Variants in NIPBL observed in about 807,000 individuals in gnomAD.
NIPBL encodes NIPBL cohesin loading factor.
A neutral mutation model predicts 321.8 loss-of-function variants in NIPBL; 19 were observed. The observed-to-expected ratio is 0.06, with a 90% CI of 0.04 to 0.09. The LOEUF is 0.09. Among genes scored for constraint, NIPBL ranks in the 10% least tolerant of loss-of-function variants. The pLI is 1.00. For missense variants in NIPBL, 2,210 were observed against 3,327.0 expected, an observed-to-expected ratio of 0.66 and a Z score of 8.26; for synonymous variants, 1,106 against 1,114.1, an observed-to-expected ratio of 0.99 and a Z score of 0.14.
intron 1 of NIPBL, among the ~76,000 whole-genome samples, chr5:36,925,985 G>A (rs1017585896): frequency 8.6e-5 from 13 of 151,814 alleles, no homozygotes; most frequent in African/African-American, 1.9e-4. Flanking sequence ...TCTCATTTTC[G>A]TACCCATTCT....
intron 1 of NIPBL, among the ~76,000 whole-genome samples, chr5:36,902,302 C>G (rs1747294668): frequency 6.6e-6 from 1 of 152,056 alleles, no homozygotes; most frequent in Admixed American, 6.6e-5. Flanking sequence ...GTTGCAGTTG[C>G]TTTTGAAGTC....
At chr5:37,020,724 C>T in intron 26 of NIPBL, 51 bp downstream of exon 26, 1 of 1,600,114 alleles carries the variant, frequency 6.2e-7, no homozygotes, top group Non-Finnish European at 8.6e-7. Flanking sequence ...ATATCTATTT[C>T]CCTAAGTTAC....
At chr5:36,968,859 A>G (rs1483757708) in intron 6 of NIPBL, among the ~76,000 whole-genome samples, 1 of 152,190 alleles carries the variant, frequency 6.6e-6, no homozygotes, top group East Asian at 1.9e-4. Flanking sequence ...AACTATGTAT[A>G]ATTATTGGTA....
intron 1 of NIPBL, among the ~76,000 whole-genome samples, chr5:36,881,912 A>G (rs1211955123): frequency 1.3e-5 from 2 of 152,022 alleles, no homozygotes; most frequent in Non-Finnish European, 2.9e-5. Flanking sequence ...TTGTCAAAGC[A>G]TCTGTTGTTA....
At chr5:37,036,828 T>TA (rs1467687381) in intron 33 of NIPBL, among the ~76,000 whole-genome samples, 1 of 151,974 alleles carries the variant, frequency 6.6e-6, no homozygotes, top group Non-Finnish European at 1.5e-5. Flanking sequence ...ACAAAACTGA[T>TA]ATCTCCTAAG....
chr5:37,037,584 G>A (rs2149719853), intron 33 of NIPBL, among the ~76,000 whole-genome samples: 1 of 150,148 alleles, frequency 6.7e-6, no homozygotes, highest in South Asian at 2.1e-4. Context: ...GTCCATTTAT[G>A]GCACCTACGG....
At chr5:37,047,507 ACT>A (rs1416736144) in intron 38 of NIPBL, among the ~76,000 whole-genome samples, 10 of 152,342 alleles carry the variant, frequency 6.6e-5, no homozygotes, top group African/African-American at 1.9e-4. Flanking sequence ...GACATCATTT[ACT>A]AAGGAGTTAA....
At chr5:37,003,696 CAT>C (rs10550272) in intron 16 of NIPBL, among the ~76,000 whole-genome samples, 31,803 of 152,008 alleles carry the variant, frequency 0.21, 4,416 homozygotes, top group African/African-American at 0.39. Flanking sequence ...AAATGACTCT[CAT>C]GTGGGGGAAA....
At chr5:36,916,721 A>C (rs1014380264) in intron 1 of NIPBL, among the ~76,000 whole-genome samples, 2 of 151,914 alleles carry the variant, frequency 1.3e-5, no homozygotes, top group Non-Finnish European at 2.9e-5. Flanking sequence ...CCATTGTTCA[A>C]TTCCCACTTA....
intron 41 of NIPBL, among the ~76,000 whole-genome samples, chr5:37,052,134 T>C (rs1753624458): frequency 6.6e-6 from 1 of 152,126 alleles, no homozygotes; most frequent in African/African-American, 2.4e-5. Flanking sequence ...TATCTTACTA[T>C]GTGAACTTGG....
chr5:37,020,499 C>A lies in NIPBL; in HGVS notation c.5051C>A (p.Thr1684Lys), dbSNP rs774109272. Residue 1684 changes from threonine (T) to lysine (K), a missense_variant, in exon 26 of 47, where the codon ACA (threonine) becomes AAA (lysine). Transcript: ENST00000282516. ...KFYIAQWFRD[T>K]TLETEKAMKS... Reference sequence around the variant, plus strand: ...TATATAGCCCAGTGGTTTCGAGACACAACTCTGGAAACAGAAAAAGCAATG... The same window carrying A: ...TATATAGCCCAGTGGTTTCGAGACAAAACTCTGGAAACAGAAAAAGCAATG... The A allele has an allele frequency of 3.5e-5, 57 of 1,613,632 alleles. No homozygotes were observed. The highest frequency in any genetic ancestry group is 4.5e-5 in the Non-Finnish European group (53 of 1,179,788).
Position 37,002,602 on chromosome 5 carries a change from C to T in NIPBL, c.3665-60C>T. On this transcript the variant is annotated intron_variant, in intron 14 of 46. Coordinates refer to ENST00000282516, the MANE Select transcript of NIPBL (RefSeq NM_133433.4). Reference sequence around the variant, plus strand: ...AATTTTATTAGAAAGTTAAGCTTGACATTTTGAACTATTTTATTTACCTAA... The same window carrying T: ...AATTTTATTAGAAAGTTAAGCTTGATATTTTGAACTATTTTATTTACCTAA... 6 of 1,129,492 alleles carry T rather than the reference C, an allele frequency of 5.3e-6. No homozygotes were observed. The South Asian group carries it at 7.5e-5, about 14-fold the overall frequency. The allele number at this position is 1,129,492 out of a possible 1,614,324, so 70.0% of individuals were successfully genotyped here. A position where few individuals can be genotyped will look rare whatever the true frequency, so the allele number is the denominator to read the frequency against.
chr5:36,902,780 G>T (rs72734681), intron 1 of NIPBL, among the ~76,000 whole-genome samples: 4,478 of 151,446 alleles, frequency 0.03, 77 homozygotes, highest in African/African-American at 0.046. Context: ...TTGTTTTTTG[G>T]TTTTTTTTCC....
chr5:36,932,801 T>TTTTTA (rs1554063689), intron 1 of NIPBL, among the ~76,000 whole-genome samples: 6 of 149,594 alleles, frequency 4.0e-5, no homozygotes, highest in African/African-American at 1.5e-4. Flanking sequence ...TTTTTTTTTT[T>TTTTTA]TTAAAGAACA....
At chr5:36,952,059 C>CGCGT (rs1740409379) in intron 1 of NIPBL, among the ~76,000 whole-genome samples, 1 of 74,494 alleles carries the variant, frequency 1.3e-5, no homozygotes, top group Non-Finnish European at 2.7e-5. Context: ...TGTGTGCGCG[C>CGCGT]GCGCGCGCGC....
chr5:36,892,341 G>A (rs1463997169), intron 1 of NIPBL, among the ~76,000 whole-genome samples: 1 of 152,136 alleles, frequency 6.6e-6, no homozygotes, highest in African/African-American at 2.4e-5. Flanking sequence ...TTGTTGTTGG[G>A]ACTGTAAACT....
intron 1 of NIPBL, among the ~76,000 whole-genome samples, chr5:36,893,044 T>C (rs1292626319): frequency 6.6e-6 from 1 of 152,218 alleles, no homozygotes; most frequent in Non-Finnish European, 1.5e-5. Context: ...ATTGACTATA[T>C]TCTTGTGAGC....
intron 11 of NIPBL, among the ~76,000 whole-genome samples, chr5:36,999,677 A>G (rs1746557799): frequency 6.6e-6 from 1 of 152,144 alleles, no homozygotes; most frequent in African/African-American, 2.4e-5. Context: ...GATGGGGAAA[A>G]GATTGAAGGT....
At chr5:37,016,528 A>G (rs1749019058) in intron 23 of NIPBL, among the ~76,000 whole-genome samples, 1 of 152,176 alleles carries the variant, frequency 6.6e-6, no homozygotes, top group Non-Finnish European at 1.5e-5. Context: ...ATTTCTACAA[A>G]TGTATGGCAT....
Sources: gnomAD v4.1 joint callset for allele counts (sites outside exome capture counted in the v4.1 genomes callset) on GRCh38, gnomAD v4.1.1 for gene constraint, MANE v1.5 for transcripts, NCBI Gene and HGNC (gene_info 2026-07-23, HGNC 2026-07-21) for gene names.